Variants in GSDMB observed in about 807,000 individuals in gnomAD.
GSDMB encodes gasdermin B.
A neutral mutation model predicts 42.9 loss-of-function variants in GSDMB; 32 were observed. That is an observed-to-expected ratio of 0.75 (90% confidence interval 0.56 to 1.00). The LOEUF is 1.00. GSDMB is among the 50% of genes least tolerant of loss of function. The pLI is 0.00. For missense variants in GSDMB, 468 were observed against 498.5 expected (o/e 0.94, Z 0.58); for synonymous variants, 175 against 193.7 (o/e 0.90, Z 0.80).
chr17:39,912,727 T>A (rs750609349), intron 2 of GSDMB, among the ~76,000 whole-genome samples: 4 of 152,252 alleles, frequency 2.6e-5, no homozygotes, highest in Non-Finnish European at 4.4e-5. Flanking sequence ...TCTTACCACA[T>A]GACCTTGGGT....
rs114445845 is a variant in GSDMB, at chr17:39,913,090, G to A, written c.236-593C>T. On this transcript the variant is annotated intron_variant, in intron 2 of 10. Coordinates refer to ENST00000418519, the MANE Select transcript of GSDMB (RefSeq NM_001165958.2). ...CCACTGCACTCCAGCCTGGAGGAGA[G>A]TGACACTCTGCCTCTCTGCCTCAAA... Among the ~76,000 whole-genome samples the A allele has an allele frequency of 1.5e-3, 231 of 151,984 alleles. 1 individual carries two copies. Among genetic ancestry groups the A allele is most frequent in the African/African-American group, 5.4e-3 (224 of 41,400 alleles).
At chr17:39,913,487 C>T (rs993683385) in intron 2 of GSDMB, among the ~76,000 whole-genome samples, 12 of 152,086 alleles carry the variant, frequency 7.9e-5, no homozygotes, top group African/African-American at 2.9e-4. Flanking sequence ...GTGGCACATG[C>T]CTGTAATTCC....
intron 3 of GSDMB, 128 bp downstream of exon 3, chr17:39,912,198 T>C (rs561742720): frequency 4.2e-5 from 28 of 669,570 alleles, no homozygotes; most frequent in Non-Finnish European, 6.5e-5. Context: ...ACAAAGCTCA[T>C]GAAAAGCAGG....
In GSDMB at chr17:39,909,040, G is replaced by A; in HGVS notation, c.579C>T (p.Gly193=). The A allele has an allele frequency of 6.3e-7, 1 of 1,588,314 alleles. No homozygotes were observed. ...TTGGGGGGATGGTCACTTCCCTTTGGCCCTAGAAAAAGGAGCTCACATTGA... is the reference window on the plus strand; with the variant it reads ...TTGGGGGGATGGTCACTTCCCTTTGACCCTAGAAAAAGGAGCTCACATTGA... The part of the protein sequence containing the change: ...SQGHLSYKHK[G]QREVTIPPNR... The change falls in exon 5 of 11, where the codon GGC becomes GGT. Residue 193 remains glycine (G), a splice_region_variant and synonymous_variant. Coordinates refer to ENST00000418519, the MANE Select transcript of GSDMB (RefSeq NM_001165958.2).
chr17:39,914,985 C>T (rs183116861), intron 2 of GSDMB, among the ~76,000 whole-genome samples: 19 of 151,936 alleles, frequency 1.3e-4, no homozygotes, highest in Middle Eastern at 3.4e-3. Flanking sequence ...TACAGGCATG[C>T]GACACCACGC....
At chr17:39,916,526 G>A (rs989428893) in intron 2 of GSDMB, among the ~76,000 whole-genome samples, 2 of 151,468 alleles carry the variant, frequency 1.3e-5, no homozygotes, top group Admixed American at 6.6e-5. Context: ...TCCTGACCTC[G>A]TGATCCGCCC....
chr17:39,908,431 G>A (rs1236894981), intron 5 of GSDMB, among the ~76,000 whole-genome samples: 2 of 151,894 alleles, frequency 1.3e-5, no homozygotes, highest in Non-Finnish European at 2.9e-5. Flanking sequence ...CTAGGCTGGA[G>A]TGCAATGGTG....
At chr17:39,906,694 C>CT (rs1185725697) in intron 7 of GSDMB, 9 of 1,198,150 alleles carry the variant, frequency 7.5e-6, no homozygotes, top group Admixed American at 3.4e-5. Context: ...AGGCCACACC[C>CT]CCACAATTAA....
intron 1 of GSDMB, 79 bp from the exon 2 acceptor site, chr17:39,917,409 T>A (rs2063732926): frequency 1.2e-6 from 1 of 849,986 alleles, no homozygotes; most frequent in African/African-American, 1.7e-5. Flanking sequence ...TTTGGCAGCC[T>A]GAGGTGTCAG....
intron 1 of GSDMB, chr17:39,918,067 G>C (rs897166270): frequency 6.6e-6 from 1 of 152,124 alleles, no homozygotes; most frequent in African/African-American, 2.4e-5. Flanking sequence ...TTGTTCCAAG[G>C]GGCCCAAGGG....
intron 3 of GSDMB, among the ~76,000 whole-genome samples, chr17:39,910,621 T>G (rs1329700330): frequency 6.6e-6 from 1 of 152,176 alleles, no homozygotes; most frequent in African/African-American, 2.4e-5. Context: ...AGACACCCTC[T>G]TCTCTGACAA....
In GSDMB at chr17:39,905,872, A is replaced by G; in HGVS notation, c.1002T>C (p.Ile334=). The G allele has an allele frequency of 6.2e-7, 1 of 1,613,968 alleles. No homozygotes were observed. Among genetic ancestry groups the G allele is most frequent in the Non-Finnish European group, 8.5e-7 (1 of 1,179,926 alleles). ...CTAGCAGGGCATCCAGGAAGTCCAG[A>G]ATGGCTTTTGCACGCGCTTCTACCA... is the stretch of plus-strand genomic sequence containing the variant. ...GVLVEARAKA[I]LDFLDALLEL... is the part of the protein sequence containing the mutation. Residue 334 remains isoleucine, a synonymous_variant, in exon 9 of 11, where the codon ATT becomes ATC. Transcript: ENST00000418519.
chr17:39,916,411 T>C (rs1220310022), intron 2 of GSDMB, among the ~76,000 whole-genome samples: 5 of 151,102 alleles, frequency 3.3e-5, no homozygotes, highest in African/African-American at 1.2e-4. Flanking sequence ...GCCTCCTGAG[T>C]AGCCAGGACT....
rs761779644 is a variant in GSDMB at position 39,909,790 on chromosome 17, TG to T, written c.541del (p.Gln181ArgfsTer17). On this transcript the variant is annotated frameshift_variant, in exon 4 of 11. Transcript: ENST00000418519. LOFTEE classifies it high-confidence loss of function. ...KSDRQYKFWS[Q>X]ISQGHLSYKH... ...ATAGCTGAGATGGCCCTGAGAGATC[TG>T]GCTCCAAAATTTATATTGCCGGTCG... 2 of 1,614,180 alleles carry T rather than the reference TG, an allele frequency of 1.2e-6. No homozygotes were observed. The highest frequency in any genetic ancestry group is 2.2e-5 in the South Asian group (2 of 91,082).
intron 2 of GSDMB, among the ~76,000 whole-genome samples, chr17:39,914,362 T>TGA (rs1481855543): frequency 6.6e-6 from 1 of 152,134 alleles, no homozygotes; most frequent in African/African-American, 2.4e-5. Flanking sequence ...AGGTAAAGTC[T>TGA]GAGAAACTGT....
chr17:39,915,114 G>A lies in GSDMB; in HGVS notation c.235+1968C>T, dbSNP rs1175750967. On this transcript the variant is annotated intron_variant, in intron 2 of 10. Transcript: ENST00000418519. ...AGCCTCCCAAAGTGCTGGGATTACA[G>A]GCATGCGCCATCATGCCCAGCTAAT... 3.3e-5 allele frequency among the ~76,000 whole-genome samples: 5 copies of A among 152,262 alleles called. No homozygotes were observed. The East Asian group carries it at 9.6e-4, about 29-fold the overall frequency.
intron 5 of GSDMB, among the ~76,000 whole-genome samples, 164 bp from the exon 6 acceptor site, chr17:39,908,378 T>G (rs1598275060): frequency 6.6e-6 from 1 of 150,860 alleles, no homozygotes; most frequent in South Asian, 2.1e-4. Context: ...TTGTTTTTTG[T>G]TTTTTGTTTT....
chr17:39,912,497 C>T lies in GSDMB; in HGVS notation c.236G>A (p.Gly79Asp), dbSNP rs1311936830. 1 of 1,610,642 alleles carries T rather than the reference C, an allele frequency of 6.2e-7. No homozygotes were observed. Among genetic ancestry groups the T allele is most frequent in the Non-Finnish European group, 8.5e-7 (1 of 1,177,008 alleles). Residue 79 changes from glycine (G) to aspartate (D), a missense_variant and splice_region_variant, in exon 3 of 11, where the codon GGT (glycine) becomes GAT (aspartate). Physicochemically the swap from Gly to Asp is moderately conservative, Grantham distance 94 (BLOSUM62 -1). Transcript: ENST00000418519. ...WLDELDSGLQ[G>D]QKAEFQILDN... is the part of the protein sequence containing the mutation. Reference sequence around the variant, plus strand: ...CAGAATTTGAAACTCAGCCTTTTGACCTGGAAAGAGAATGATAAAGGTCAC... The same window carrying T: ...CAGAATTTGAAACTCAGCCTTTTGATCTGGAAAGAGAATGATAAAGGTCAC...
chr17:39,908,329 A>G (rs1267399165), intron 5 of GSDMB, 115 bp from the exon 6 acceptor site: 2 of 438,558 alleles, frequency 4.6e-6, no homozygotes, highest in South Asian at 6.5e-5. Flanking sequence ...CCAATCAAAA[A>G]AAAAAAAAAA....
Sources: allele counts gnomAD v4.1 joint callset (sites outside exome capture counted in the v4.1 genomes callset), GRCh38; gene constraint gnomAD v4.1.1; transcripts MANE v1.5; gene names NCBI Gene and HGNC (gene_info 2026-07-23, HGNC 2026-07-21).